SSTR4: variants seen among roughly 807,000 people sequenced by gnomAD.
The protein encoded by SSTR4 is somatostatin receptor 4.
For missense variants in SSTR4, 649 were observed against 540.6 expected (o/e 1.20, Z -1.99); for synonymous variants, 272 against 246.3 (o/e 1.10, Z -0.98).
Position 23,036,798 on chromosome 20 carries a change from G to A in SSTR4, c.*148G>A, listed in dbSNP as rs897907120. 1.2e-5 allele frequency: 11 copies of A among 885,018 alleles called. No homozygotes were observed. The highest frequency in any genetic ancestry group is 3.4e-5 in the African/African-American group (2 of 59,090). The allele number at this position is 885,018 out of a possible 1,614,324, so 54.8% of individuals were successfully genotyped here. ...CCCATGTACCTGCCGGAGAGTGTCAGAACTCTTCTGCTGCTCTCCTCTCCC... is the reference window on the plus strand; with the variant it reads ...CCCATGTACCTGCCGGAGAGTGTCAAAACTCTTCTGCTGCTCTCCTCTCCC... On this transcript the variant is annotated 3_prime_UTR_variant, in exon 1 of 1. Transcript: ENST00000255008.
chr20:23,038,223 T>C lies in SSTR4; in HGVS notation c.*1573T>C, dbSNP rs962426655. 1.3e-5 allele frequency: 2 copies of C among 152,190 alleles called. No individual in the cohort carries two copies. Among genetic ancestry groups the C allele is most frequent in the African/African-American group, 2.4e-5 (1 of 41,450 alleles). 9.4% of individuals were successfully genotyped at this position (152,190 alleles called of 1,614,324 possible). ...ACTGCATTATTTCTTTGTTCCTCAG[T>C]GTCTGACAATGCCTGCCAGGATGGG... On this transcript the variant is annotated 3_prime_UTR_variant, in exon 1 of 1. Transcript: ENST00000255008.
In SSTR4 at chr20:23,035,612, G is replaced by A; in HGVS notation, c.129G>A (p.Arg43=). 1 of 1,547,546 alleles carries A rather than the reference G, an allele frequency of 6.5e-7. No homozygotes were observed. The highest frequency in any genetic ancestry group is 8.7e-7 in the Non-Finnish European group (1 of 1,152,248). ...EEAVAGPGDA[R]AAGMVAIQCI... ...CGGTGGCGGGGCCCGGGGACGCGCG[G>A]GCGGCGGGCATGGTCGCTATCCAGT... The change falls in exon 1 of 1, where the codon CGG becomes CGA. Residue 43 remains arginine (R), a synonymous_variant. Transcript: ENST00000255008.
rs951688975 is a variant in SSTR4, at chr20:23,035,866, T to C, written c.383T>C (p.Leu128Pro). 6.2e-7 allele frequency: 1 copy of C among 1,611,244 alleles called. No individual in the cohort carries two copies. Among genetic ancestry groups the C allele is most frequent in the Admixed American group, 1.7e-5 (1 of 59,746 alleles). ...CGCGCGGTGCTCAGCGTCGACGGCCTCAACATGTTCACCAGCGTCTTCTGT... is the reference window on the plus strand; with the variant it reads ...CGCGCGGTGCTCAGCGTCGACGGCCCCAACATGTTCACCAGCGTCTTCTGT... ...LCRAVLSVDG[L>P]NMFTSVFCLT... The change falls in exon 1 of 1, where the codon CTC becomes CCC. Residue 128 changes from leucine to proline, a missense_variant. Physicochemically the swap from Leu to Pro is moderately conservative, Grantham distance 98. Transcript: ENST00000255008.
chr20:23,035,519 G>T lies in SSTR4; in HGVS notation c.36G>T (p.Glu12Asp). The T allele has an allele frequency of 6.4e-7, 1 of 1,574,320 alleles. No individual in the cohort carries two copies. The highest frequency in any genetic ancestry group is 2.4e-5 in the East Asian group (1 of 40,908). ...SAPSTLPPGG[E>D]EGLGTAWPSA... The stretch of plus-strand genomic sequence containing the variant: ...CCTCGACGCTGCCCCCCGGGGGCGA[G>T]GAAGGGCTGGGGACGGCCTGGCCCT... Residue 12 changes from glutamate (E) to aspartate (D), a missense_variant, in exon 1 of 1, where the codon GAG (glutamate) becomes GAT (aspartate). Transcript: ENST00000255008.
At position 23,036,186 on chromosome 20, in the gene SSTR4, G is replaced by A. The variant is rs1038697395; in HGVS notation, c.703G>A (p.Val235Met). The part of the protein sequence containing the change: ...LAIGLCYLLI[V>M]GKMRAVALRA... ...CATTGGCCTGTGCTACCTGCTCATC[G>A]TGGGCAAGATGCGCGCCGTGGCCCT... The change falls in exon 1 of 1, where the codon GTG becomes ATG. Residue 235 changes from valine to methionine, a missense_variant. Transcript: ENST00000255008. 24 of 1,611,658 alleles carry A rather than the reference G, an allele frequency of 1.5e-5. No homozygotes were observed. Among genetic ancestry groups the A allele is most frequent in the Non-Finnish European group, 1.8e-5 (21 of 1,179,740 alleles).
At position 23,035,431 on chromosome 20, in the gene SSTR4, G is replaced by A. The variant is rs1984270735; in HGVS notation, c.-53G>A. 2 of 1,281,246 alleles carry A rather than the reference G, an allele frequency of 1.6e-6. No homozygotes were observed. The highest frequency in any genetic ancestry group is 4.1e-5 in the Admixed American group (1 of 24,098). 79.4% of individuals were successfully genotyped at this position (1,281,246 alleles called of 1,614,324 possible). ...CCTGGGCCCGCCGCCCGAGCTCTCT[G>A]GCGCAGCGCTAGCTCCGCCGCGCTC... On this transcript the variant is annotated 5_prime_UTR_variant, in exon 1 of 1. Coordinates refer to ENST00000255008, the MANE Select transcript of SSTR4 (RefSeq NM_001052.4).
chr20:23,036,046 G>T lies in SSTR4; in HGVS notation c.563G>T (p.Arg188Ile). The T allele has an allele frequency of 6.3e-7, 1 of 1,585,706 alleles. No individual in the cohort carries two copies. Residue 188 changes from arginine (R) to isoleucine (I), a missense_variant, in exon 1 of 1, where the codon AGA becomes ATA. Transcript: ENST00000255008. ...CCCATCGCCATCTTCGCAGACACCAGACCGGCTCGCGGCGGCCAGGCCGTG... is the reference window on the plus strand; with the variant it reads ...CCCATCGCCATCTTCGCAGACACCATACCGGCTCGCGGCGGCCAGGCCGTG... ...TLPIAIFADT[R>I]PARGGQAVAC...
At position 23,035,917 on chromosome 20, in the gene SSTR4, A is replaced by G. The variant is rs1385602032; in HGVS notation, c.434A>G (p.Tyr145Cys). 1 of 1,612,982 alleles carries G rather than the reference A, an allele frequency of 6.2e-7. No individual in the cohort carries two copies. Among genetic ancestry groups the G allele is most frequent in the East Asian group, 2.2e-5 (1 of 44,820 alleles). ...CTCACCGTGCTCAGCGTGGACCGCT[A>G]CGTGGCCGTGGTGCACCCTCTGCGC... ...FCLTVLSVDRYVAVVHPLRAA... is the reference protein window; with the variant it reads ...FCLTVLSVDRCVAVVHPLRAA... Residue 145 changes from tyrosine to cysteine, a missense_variant, in exon 1 of 1, where the codon TAC becomes TGC. Physicochemically the swap from Tyr to Cys is radical, Grantham distance 194 (BLOSUM62 -2). Coordinates refer to ENST00000255008, the MANE Select transcript of SSTR4 (RefSeq NM_001052.4).
At position 23,039,211 on chromosome 20, in the gene SSTR4, G is replaced by T. The variant is rs1327911039; in HGVS notation, c.*2561G>T. 1 of 152,226 alleles carries T rather than the reference G, an allele frequency of 6.6e-6. No individual in the cohort carries two copies. Among genetic ancestry groups the T allele is most frequent in the Admixed American group, 6.5e-5 (1 of 15,290 alleles). 9.4% of individuals were successfully genotyped at this position (152,226 alleles called of 1,614,324 possible). A position where few individuals can be genotyped will look rare whatever the true frequency, so the allele number is the denominator to read the frequency against. ...GAGTCACAGCTGTTGACATCATGGT[G>T]AATAAAAACATTTTCTGCCACAGGT... On this transcript the variant is annotated 3_prime_UTR_variant, in exon 1 of 1. Coordinates refer to ENST00000255008, the MANE Select transcript of SSTR4 (RefSeq NM_001052.4).
rs1234537290 is a variant in SSTR4 at position 23,036,948 on chromosome 20, GA to G, written c.*301del. The G allele has an allele frequency of 4.9e-6, 2 of 405,242 alleles. No individual in the cohort carries two copies. The highest frequency in any genetic ancestry group is 8.7e-6 in the Non-Finnish European group (2 of 228,686). 25.1% of individuals were successfully genotyped at this position (405,242 alleles called of 1,614,324 possible). On this transcript the variant is annotated 3_prime_UTR_variant, in exon 1 of 1. Coordinates refer to ENST00000255008, the MANE Select transcript of SSTR4 (RefSeq NM_001052.4). ...AGGGCTGGGAAGCAGGAGGTGGTGAGAAATGAATGGTCCCTGTGTGTGACTC... is the reference window on the plus strand; with the variant it reads ...AGGGCTGGGAAGCAGGAGGTGGTGAGAATGAATGGTCCCTGTGTGTGACTC...
Position 23,038,575 on chromosome 20 carries a change from G to C in SSTR4, c.*1925G>C, listed in dbSNP as rs542511602. ...GCAGCTTCAGGTGATGGAAAGAAAAGTCTCTGAGAGGCAGGACACCTCAGC... is the reference window on the plus strand; with the variant it reads ...GCAGCTTCAGGTGATGGAAAGAAAACTCTCTGAGAGGCAGGACACCTCAGC... On this transcript the variant is annotated 3_prime_UTR_variant, in exon 1 of 1. Coordinates refer to ENST00000255008, the MANE Select transcript of SSTR4 (RefSeq NM_001052.4). 1.3e-5 allele frequency among the ~76,000 whole-genome samples: 2 copies of C among 152,206 alleles called. No individual in the cohort carries two copies. Among genetic ancestry groups the C allele is most frequent in the Non-Finnish European group, 2.9e-5 (2 of 68,036 alleles).
Position 23,039,207 on chromosome 20 carries a change from T to C in SSTR4, c.*2557T>C, listed in dbSNP as rs1169273251. ...CCAGGAGTCACAGCTGTTGACATCA[T>C]GGTGAATAAAAACATTTTCTGCCAC... is the stretch of plus-strand genomic sequence containing the variant. On this transcript the variant is annotated 3_prime_UTR_variant, in exon 1 of 1. Coordinates refer to ENST00000255008, the MANE Select transcript of SSTR4 (RefSeq NM_001052.4). 4 of 152,242 alleles carry C rather than the reference T, an allele frequency of 2.6e-5. No individual in the cohort carries two copies. Among genetic ancestry groups the C allele is most frequent in the African/African-American group, 4.8e-5 (2 of 41,468 alleles). The allele number at this position is 152,242 out of a possible 1,614,324, so 9.4% of individuals were successfully genotyped here. A position where few individuals can be genotyped will look rare whatever the true frequency, so the allele number is the denominator to read the frequency against.
chr20:23,036,350 T>G lies in SSTR4; in HGVS notation c.867T>G (p.Asp289Glu). 6.2e-7 allele frequency: 1 copy of G among 1,614,148 alleles called. No homozygotes were observed. The highest frequency in any genetic ancestry group is 1.1e-5 in the South Asian group (1 of 91,086). Residue 289 changes from aspartate (D) to glutamate (E), a missense_variant, in exon 1 of 1, where the codon GAT (aspartate) becomes GAG (glutamate). Transcript: ENST00000255008. ...QLLNLFVTSL[D>E]ATVNHVSLIL... is the part of the protein sequence containing the mutation. Reference sequence around the variant, plus strand: ...TGAACCTCTTCGTGACCAGCCTTGATGCCACCGTCAACCACGTGTCCCTTA... The same window carrying G: ...TGAACCTCTTCGTGACCAGCCTTGAGGCCACCGTCAACCACGTGTCCCTTA...
chr20:23,036,710 C>T lies in SSTR4; in HGVS notation c.*60C>T. ...TCCCAAGGGGTGGGCACCATTCCTA[C>T]AGCCCCGAAGACTGCATCTCCTGAA... is the stretch of plus-strand genomic sequence containing the variant. On this transcript the variant is annotated 3_prime_UTR_variant, in exon 1 of 1. Coordinates refer to ENST00000255008, the MANE Select transcript of SSTR4 (RefSeq NM_001052.4). 1.3e-6 allele frequency: 2 copies of T among 1,503,462 alleles called. No individual in the cohort carries two copies. Among genetic ancestry groups the T allele is most frequent in the Non-Finnish European group, 1.8e-6 (2 of 1,122,458 alleles). The allele number at this position is 1,503,462 out of a possible 1,614,324, so 93.1% of individuals were successfully genotyped here.
chr20:23,037,466 A>T lies in SSTR4; in HGVS notation c.*816A>T, dbSNP rs1232062287. 1 of 152,202 alleles carries T rather than the reference A, an allele frequency of 6.6e-6. No homozygotes were observed. Among genetic ancestry groups the T allele is most frequent in the Non-Finnish European group, 1.5e-5 (1 of 68,036 alleles). The allele number at this position is 152,202 out of a possible 1,614,324, so 9.4% of individuals were successfully genotyped here. ...TGTGGTGGTGAGTGAGAGAGGAGCC[A>T]TGGGCGGGAAAAGCTGACCAGAGAG... On this transcript the variant is annotated 3_prime_UTR_variant, in exon 1 of 1. Coordinates refer to ENST00000255008, the MANE Select transcript of SSTR4 (RefSeq NM_001052.4).
chr20:23,035,617 C>A lies in SSTR4; in HGVS notation c.134C>A (p.Ala45Glu), dbSNP rs1420818755. ...AVAGPGDARA[A>E]GMVAIQCIYA... ...GCGGGGCCCGGGGACGCGCGGGCGG[C>A]GGGCATGGTCGCTATCCAGTGCATC... The change falls in exon 1 of 1, where the codon GCG becomes GAG. Residue 45 changes from alanine to glutamate, a missense_variant. Physicochemically the swap from Ala to Glu is moderately radical, Grantham distance 107 (BLOSUM62 -1). Transcript: ENST00000255008. 1.3e-6 allele frequency: 2 copies of A among 1,543,514 alleles called. No homozygotes were observed. Among genetic ancestry groups the A allele is most frequent in the Non-Finnish European group, 1.7e-6 (2 of 1,150,196 alleles).
rs1016210642 is a variant in SSTR4, at chr20:23,037,124, C to T, written c.*474C>T. ...CCCCAGGCACCTGCCCTTTATGTCTCTTCCTGAGCTCTTGTTAAGTGAGAC... is the reference window on the plus strand; with the variant it reads ...CCCCAGGCACCTGCCCTTTATGTCTTTTCCTGAGCTCTTGTTAAGTGAGAC... On this transcript the variant is annotated 3_prime_UTR_variant, in exon 1 of 1. Transcript: ENST00000255008. Among the ~76,000 whole-genome samples the T allele has an allele frequency of 6.6e-6, 1 of 152,192 alleles. No homozygotes were observed. Among genetic ancestry groups the T allele is most frequent in the South Asian group, 2.1e-4 (1 of 4,826 alleles).
rs568561427 is a variant in SSTR4, at chr20:23,036,882, G to A, written c.*232G>A. 1.2e-5 allele frequency: 6 copies of A among 489,604 alleles called. No homozygotes were observed. The highest frequency in any genetic ancestry group is 9.7e-5 in the African/African-American group (5 of 51,610). 30.3% of individuals were successfully genotyped at this position (489,604 alleles called of 1,614,324 possible). A position where few individuals can be genotyped will look rare whatever the true frequency, so the allele number is the denominator to read the frequency against. On this transcript the variant is annotated 3_prime_UTR_variant, in exon 1 of 1. Transcript: ENST00000255008. ...TGGGTAGGACTCCTCTGGAAACTGG[G>A]CTAGGATATTAATCATTCCTGAACC...
rs1444778534 is a variant in SSTR4 at position 23,037,644 on chromosome 20, T to C, written c.*994T>C. Among the ~76,000 whole-genome samples the C allele has an allele frequency of 6.6e-6, 1 of 152,198 alleles. No individual in the cohort carries two copies. Among genetic ancestry groups the C allele is most frequent in the Non-Finnish European group, 1.5e-5 (1 of 68,042 alleles). On this transcript the variant is annotated 3_prime_UTR_variant, in exon 1 of 1. Coordinates refer to ENST00000255008, the MANE Select transcript of SSTR4 (RefSeq NM_001052.4). ...AATAAAAGGCCGTATCTTTGTTGCC[T>C]GATGTGTTAACCAAAGGATAAATTA... is the stretch of plus-strand genomic sequence containing the variant.
Sources: gnomAD v4.1 joint callset for allele counts (sites outside exome capture counted in the v4.1 genomes callset) on GRCh38, gnomAD v4.1.1 for gene constraint, MANE v1.5 for transcripts, NCBI Gene and HGNC (gene_info 2026-07-23, HGNC 2026-07-21) for gene names.